PIK3R3: variants seen among roughly 807,000 people sequenced by gnomAD.
PIK3R3 encodes the protein phosphatidylinositol 3-kinase regulatory subunit gamma.
In PIK3R3, 64 loss-of-function variants were observed where a neutral mutation model predicts 62.9. That is an observed-to-expected ratio of 1.02 (90% CI 0.83 to 1.25). PIK3R3 has a LOEUF of 1.25. PIK3R3 is among the 50% of genes most tolerant of loss of function. PIK3R3 has a pLI of 0.00. For missense variants in PIK3R3, 614 were observed against 561.6 expected (o/e 1.09, Z -0.94); for synonymous variants, 165 against 189.0 (o/e 0.87, Z 1.04).
intron 1 of PIK3R3, among the ~76,000 whole-genome samples, chr1:46,121,436 T>G (rs1654665053): frequency 6.6e-6 from 1 of 152,134 alleles, no homozygotes; most frequent in African/African-American, 2.4e-5. Flanking sequence ...CAGCAAGACC[T>G]TTTTCAGAGC....
chr1:46,169,581 G>C, the PIK3R3 span, among the ~76,000 whole-genome samples: 1 of 152,180 alleles, frequency 6.6e-6, no homozygotes, highest in Non-Finnish European at 1.5e-5. Context: ...TTGAGGCCCA[G>C]AGATGGGATA....
chr1:46,068,559 T>C (rs1249223154), intron 3 of PIK3R3, among the ~76,000 whole-genome samples: 2 of 152,154 alleles, frequency 1.3e-5, no homozygotes, highest in Non-Finnish European at 2.9e-5. Flanking sequence ...GTTCTTGTGA[T>C]GGAGGAATTG....
At chr1:46,152,406 T>G in the PIK3R3 span, among the ~76,000 whole-genome samples, 2 of 152,128 alleles carry the variant, frequency 1.3e-5, no homozygotes, top group African/African-American at 4.8e-5. Flanking sequence ...AGTCTCTAGA[T>G]TAACTAAATA....
the PIK3R3 span, among the ~76,000 whole-genome samples, chr1:46,173,324 T>C: frequency 6.6e-6 from 1 of 152,230 alleles, no homozygotes; most frequent in East Asian, 1.9e-4. Flanking sequence ...TTGTGTAATC[T>C]GTGTAATGTG....
chr1:46,098,357 G>A (rs898868716), intron 1 of PIK3R3, among the ~76,000 whole-genome samples: 2 of 152,140 alleles, frequency 1.3e-5, no homozygotes, highest in South Asian at 4.1e-4. Context: ...ACATGTATAC[G>A]CAACAGAACT....
At chr1:46,129,080 A>G (rs1655342461) in intron 1 of PIK3R3, among the ~76,000 whole-genome samples, 1 of 152,246 alleles carries the variant, frequency 6.6e-6, no homozygotes. Flanking sequence ...CAGGAAAAAA[A>G]AAAAAAGAAG....
chr1:46,077,628 T>C lies in PIK3R3; in HGVS notation c.216-15A>G. 6.5e-7 allele frequency: 1 copy of C among 1,538,556 alleles called. No individual in the cohort carries two copies. Among genetic ancestry groups the C allele is most frequent in the Non-Finnish European group, 9.0e-7 (1 of 1,111,804 alleles). On this transcript the variant is annotated splice_polypyrimidine_tract_variant and intron_variant, in intron 2 of 9. Coordinates refer to ENST00000262741, the MANE Select transcript of PIK3R3 (RefSeq NM_003629.4). ...TTACCTCCTCCCTGAAGAACAGAAT[T>C]ATAAGAAAAATGAAAAAATGTCAAC...
At chr1:46,090,267 G>A (rs1475492720) in intron 1 of PIK3R3, among the ~76,000 whole-genome samples, 2 of 152,072 alleles carry the variant, frequency 1.3e-5, no homozygotes, top group Non-Finnish European at 2.9e-5. Context: ...AGAGCTGATT[G>A]TTGTATTTTC....
intron 1 of PIK3R3, among the ~76,000 whole-genome samples, chr1:46,112,049 C>T (rs533661349): frequency 6.6e-6 from 1 of 152,248 alleles, no homozygotes; most frequent in South Asian, 2.1e-4. Context: ...TGTCACATGT[C>T]CTCCTACGTA....
chr1:46,100,424 GTC>G (rs1652547430), intron 1 of PIK3R3, among the ~76,000 whole-genome samples: 1 of 152,100 alleles, frequency 6.6e-6, no homozygotes, highest in Non-Finnish European at 1.5e-5. Context: ...AATGCTCACT[GTC>G]ATGTATTAAG....
At chr1:46,061,191 C>T (rs902342037) in intron 6 of PIK3R3, among the ~76,000 whole-genome samples, 1 of 152,176 alleles carries the variant, frequency 6.6e-6, no homozygotes, top group Admixed American at 6.5e-5. Flanking sequence ...TCATGTACTT[C>T]TTATTTTGGT....
At chr1:46,117,619 C>T (rs1384215002) in intron 1 of PIK3R3, among the ~76,000 whole-genome samples, 1 of 152,064 alleles carries the variant, frequency 6.6e-6, no homozygotes, top group Non-Finnish European at 1.5e-5. Flanking sequence ...TGGTGGCATG[C>T]ACTTGTAGTC....
Position 46,043,011 on chromosome 1 carries a change from G to C in PIK3R3, c.*662C>G, listed in dbSNP as rs934684271. The C allele has an allele frequency of 6.7e-5, 15 of 222,532 alleles. No individual in the cohort carries two copies. The highest frequency in any genetic ancestry group is 3.3e-4 in the African/African-American group (15 of 44,786). The allele number at this position is 222,532 out of a possible 1,614,324, so 13.8% of individuals were successfully genotyped here. A position where few individuals can be genotyped will look rare whatever the true frequency, so the allele number is the denominator to read the frequency against. ...TCAAACATTGGTCTGGCAACAAACT[G>C]TTTTGTTGGCTTCTGAACATAATAC... is the stretch of plus-strand genomic sequence containing the variant. On this transcript the variant is annotated 3_prime_UTR_variant, in exon 10 of 10. Coordinates refer to ENST00000262741, the MANE Select transcript of PIK3R3 (RefSeq NM_003629.4).
the PIK3R3 span, among the ~76,000 whole-genome samples, chr1:46,156,784 T>G: frequency 6.6e-6 from 1 of 152,108 alleles, no homozygotes; most frequent in African/African-American, 2.4e-5. Flanking sequence ...CGTTATCAGT[T>G]CCCTCCAGAC....
chr1:46,080,605 A>T (rs768689670), intron 2 of PIK3R3, 37 bp downstream of exon 2: 2 of 1,360,694 alleles, frequency 1.5e-6, no homozygotes, highest in Non-Finnish European at 2.1e-6. Flanking sequence ...ATGACTTTTT[A>T]AAAAACTGCA....
At chr1:46,060,814 A>C (rs1407752037) in intron 6 of PIK3R3, among the ~76,000 whole-genome samples, 1 of 152,226 alleles carries the variant, frequency 6.6e-6, no homozygotes, top group African/African-American at 2.4e-5. Context: ...TGCACACAGA[A>C]ATACACTAAT....
chr1:46,058,860 G>A (rs564601705), intron 6 of PIK3R3, among the ~76,000 whole-genome samples: 2 of 152,176 alleles, frequency 1.3e-5, no homozygotes, highest in Non-Finnish European at 2.9e-5. Flanking sequence ...GACTTTGGGG[G>A]ACTGTTGGGA....
the PIK3R3 span, among the ~76,000 whole-genome samples, chr1:46,140,806 G>T: frequency 7.0e-4 from 106 of 152,266 alleles, 1 homozygote; most frequent in Admixed American, 5.2e-4. Context: ...AATTGTGAGA[G>T]AATAAACTTG....
At chr1:46,129,062 C>T (rs1400868129) in intron 1 of PIK3R3, among the ~76,000 whole-genome samples, 1 of 150,082 alleles carries the variant, frequency 6.7e-6, no homozygotes, top group African/African-American at 2.5e-5. Context: ...CAGAGTGAGA[C>T]TCTGCCTCAG....
Sources: gnomAD v4.1 joint callset for allele counts (sites outside exome capture counted in the v4.1 genomes callset) on GRCh38, gnomAD v4.1.1 for gene constraint, MANE v1.5 for transcripts, NCBI Gene and HGNC (gene_info 2026-07-23, HGNC 2026-07-21) for gene names.